SIPA1L1: variants seen among roughly 807,000 people sequenced by gnomAD.
SIPA1L1 encodes signal induced proliferation associated 1 like 1.
Under a neutral mutation model 162.7 loss-of-function variants are expected in SIPA1L1, and 26 were observed. The observed-to-expected ratio is 0.16, with a 90% CI of 0.12 to 0.22. The LOEUF (loss-of-function observed/expected upper bound fraction) is 0.22, where lower values mean the gene tolerates loss of function less well. SIPA1L1 is among the 10% of genes least tolerant of loss of function. The pLI is 1.00. For missense variants in SIPA1L1, 1,874 were observed against 2,241.0 expected (o/e 0.84, Z 3.31); for synonymous variants, 829 against 837.4 (o/e 0.99, Z 0.17).
chr14:71,607,051 G>A (rs1017279552), intron 5 of SIPA1L1, among the ~76,000 whole-genome samples: 1 of 151,938 alleles, frequency 6.6e-6, no homozygotes, highest in South Asian at 2.1e-4. Context: ...CTCCTTCATA[G>A]TGTAGAGGGA....
At chr14:71,644,013 A>G (rs528467492) in intron 7 of SIPA1L1, among the ~76,000 whole-genome samples, 28 of 152,066 alleles carry the variant, frequency 1.8e-4, no homozygotes, top group Non-Finnish European at 3.7e-4. Context: ...TCACCATGTT[A>G]GTCAGGCTGG....
intron 2 of SIPA1L1, among the ~76,000 whole-genome samples, chr14:71,365,079 T>C (rs2038163292): frequency 6.7e-6 from 1 of 149,686 alleles, no homozygotes; most frequent in Non-Finnish European, 1.5e-5. Flanking sequence ...CAGGCTGGAG[T>C]GTAGTAGTGC....
chr14:71,462,867 T>C (rs2046709562), intron 2 of SIPA1L1, among the ~76,000 whole-genome samples: 1 of 152,258 alleles, frequency 6.6e-6, no homozygotes, highest in Non-Finnish European at 1.5e-5. Context: ...TGTATATTGC[T>C]GGCCTTGCCA....
At chr14:71,551,004 C>G (rs1218354654) in intron 4 of SIPA1L1, among the ~76,000 whole-genome samples, 3 of 152,158 alleles carry the variant, frequency 2.0e-5, no homozygotes, top group East Asian at 1.9e-4. Context: ...CACTTTTTAC[C>G]TTGGACACGC....
At chr14:71,536,122 CAAAAAA>C (rs937131931) in intron 4 of SIPA1L1, among the ~76,000 whole-genome samples, 1 of 91,604 alleles carries the variant, frequency 1.1e-5, no homozygotes, top group Non-Finnish European at 2.4e-5. Context: ...CAATAGCTTT[CAAAAAA>C]AAAAAAAAAA....
intron 2 of SIPA1L1, among the ~76,000 whole-genome samples, chr14:71,375,214 C>T (rs2039266448): frequency 6.6e-6 from 1 of 152,034 alleles, no homozygotes; most frequent in South Asian, 2.1e-4. Flanking sequence ...TTCTTTTTAC[C>T]ACCATCTTGG....
chr14:71,628,617 C>T (rs1371427716), intron 7 of SIPA1L1, among the ~76,000 whole-genome samples: 1 of 152,146 alleles, frequency 6.6e-6, no homozygotes, highest in Non-Finnish European at 1.5e-5. Context: ...AAGACATAGT[C>T]CTTATCCATG....
chr14:71,357,279 A>G (rs1414148882), intron 2 of SIPA1L1, among the ~76,000 whole-genome samples: 1 of 152,140 alleles, frequency 6.6e-6, no homozygotes, highest in African/African-American at 2.4e-5. Context: ...TGTGTGTGAA[A>G]GAGAGTTAGC....
intron 2 of SIPA1L1, chr14:71,330,344 C>T: frequency 1.2e-6 from 1 of 828,596 alleles, no homozygotes; most frequent in South Asian, 1.3e-5. Flanking sequence ...CTCTAGTGCA[C>T]AGTCCTCTCT....
rs530833352 is a variant in SIPA1L1 at position 71,729,353 on chromosome 14, A to G, written c.4615-702A>G. Among the ~76,000 whole-genome samples the G allele has an allele frequency of 1.3e-5, 2 of 152,296 alleles. 1 individual carries two copies. Among genetic ancestry groups the G allele is most frequent in the South Asian group, 4.1e-4 (2 of 4,832 alleles). On this transcript the variant is annotated intron_variant, in intron 19 of 23. Coordinates refer to ENST00000381232, the MANE Select transcript of SIPA1L1 (RefSeq NM_001386936.1). Reference sequence around the variant, plus strand: ...GCCCAGCCTACCCTATTCTTATTTCATGAATAGAAATGCATCTTCAAAAAA... The same window carrying G: ...GCCCAGCCTACCCTATTCTTATTTCGTGAATAGAAATGCATCTTCAAAAAA...
At chr14:71,719,369 C>T (rs1210500049) in intron 17 of SIPA1L1, among the ~76,000 whole-genome samples, 1 of 152,074 alleles carries the variant, frequency 6.6e-6, no homozygotes, top group Non-Finnish European at 1.5e-5. Flanking sequence ...ACTAGTTTTC[C>T]GAAGTGGTCA....
intron 14 of SIPA1L1, among the ~76,000 whole-genome samples, chr14:71,699,718 A>G (rs1474815443): frequency 6.6e-6 from 1 of 152,200 alleles, no homozygotes; most frequent in African/African-American, 2.4e-5. Flanking sequence ...GGACTCTTAG[A>G]TTAGGGATCA....
At chr14:71,731,652 C>T (rs1424609300) in intron 20 of SIPA1L1, among the ~76,000 whole-genome samples, 1 of 152,220 alleles carries the variant, frequency 6.6e-6, no homozygotes, top group Non-Finnish European at 1.5e-5. Flanking sequence ...TGTGTCATAT[C>T]AGAGTAGGCC....
At position 71,338,616 on chromosome 14, in the gene SIPA1L1, T is replaced by A. The variant is rs2035332368; in HGVS notation, c.-465+17435T>A. 3.3e-5 allele frequency among the ~76,000 whole-genome samples: 5 copies of A among 152,270 alleles called. No homozygotes were observed. In the South Asian group the frequency reaches 1.0e-3, roughly 32 times the overall value. ...ATACACAGATTCTCAGCCTCCACCTTGAGAGTTTAGGTTGAGCAGTCTGTG... is the reference window on the plus strand; with the variant it reads ...ATACACAGATTCTCAGCCTCCACCTAGAGAGTTTAGGTTGAGCAGTCTGTG... On this transcript the variant is annotated intron_variant, in intron 2 of 23. Coordinates refer to ENST00000381232, the MANE Select transcript of SIPA1L1 (RefSeq NM_001386936.1).
chr14:71,548,615 G>A (rs1191244651), intron 4 of SIPA1L1, among the ~76,000 whole-genome samples: 1 of 152,068 alleles, frequency 6.6e-6, no homozygotes, highest in African/African-American at 2.4e-5. Flanking sequence ...AATGAAATGA[G>A]GCCGGACATG....
chr14:71,644,242 A>T (rs1456525758), intron 7 of SIPA1L1, among the ~76,000 whole-genome samples: 1 of 148,238 alleles, frequency 6.7e-6, no homozygotes, highest in Non-Finnish European at 1.5e-5. Flanking sequence ...TTTTTCTTTA[A>T]TTTTTTTTGA....
intron 8 of SIPA1L1, among the ~76,000 whole-genome samples, chr14:71,651,972 G>A (rs1199196078): frequency 6.6e-6 from 1 of 152,122 alleles, no homozygotes; most frequent in Admixed American, 6.5e-5. Flanking sequence ...CTTCAACAGG[G>A]AAAGATTCTT....
intron 2 of SIPA1L1, among the ~76,000 whole-genome samples, chr14:71,449,130 A>G (rs946551483): frequency 3.3e-5 from 5 of 152,188 alleles, no homozygotes; most frequent in African/African-American, 1.2e-4. Flanking sequence ...TGATGGCAGG[A>G]CTGGGTGACC....
chr14:71,594,995 T>A (rs1431993604), intron 5 of SIPA1L1, among the ~76,000 whole-genome samples: 1 of 152,182 alleles, frequency 6.6e-6, no homozygotes, highest in Non-Finnish European at 1.5e-5. Context: ...TTCTTCACTG[T>A]GATCTCAAAG....
Sources: allele counts gnomAD v4.1 joint callset (sites outside exome capture counted in the v4.1 genomes callset), GRCh38; gene constraint gnomAD v4.1.1; transcripts MANE v1.5; gene names NCBI Gene and HGNC (gene_info 2026-07-23, HGNC 2026-07-21).